Variants in RGS6 observed in about 807,000 individuals in gnomAD.
The protein encoded by RGS6 is regulator of G protein signaling 6.
A neutral mutation model predicts 78.5 loss-of-function variants in RGS6; 30 were observed. That is an observed-to-expected ratio of 0.38 (90% CI 0.29 to 0.52). The LOEUF (loss-of-function observed/expected upper bound fraction) is 0.52. Ranked by LOEUF, RGS6 falls within the 20% of genes least tolerant of loss-of-function variation. The pLI, the probability that RGS6 is intolerant of heterozygous loss-of-function variation, is 0.85. For missense variants in RGS6, 495 were observed against 609.7 expected (o/e 0.81, Z 1.98); for synonymous variants, 206 against 206.0 (o/e 1.00, Z 0.00).
At chr14:72,514,529 C>T (rs1161951145) in intron 14 of RGS6, among the ~76,000 whole-genome samples, 2 of 152,238 alleles carry the variant, frequency 1.3e-5, no homozygotes, top group African/African-American at 2.4e-5. Context: ...TCCACTGCTT[C>T]GCCCCAGTGG....
chr14:71,894,914 G>A, the RGS6 span, among the ~76,000 whole-genome samples: 1 of 151,810 alleles, frequency 6.6e-6, no homozygotes, highest in Non-Finnish European at 1.5e-5. Context: ...ACAGGCACGA[G>A]CCACCACGCC....
At position 72,284,496 on chromosome 14, in the gene RGS6, C is replaced by T. The variant is rs900027534; in HGVS notation, c.85-67599C>T. On this transcript the variant is annotated intron_variant, in intron 2 of 17. Transcript: ENST00000553525. Reference sequence around the variant, plus strand: ...AAGCCCCAAGACTTGGCAGCTTCCACGTGGGCACACAGAAGTTAAGAATTG... The same window carrying T: ...AAGCCCCAAGACTTGGCAGCTTCCATGTGGGCACACAGAAGTTAAGAATTG... Among the ~76,000 whole-genome samples the T allele has an allele frequency of 2.6e-5, 4 of 152,146 alleles. No homozygotes were observed. In the East Asian group the frequency reaches 5.8e-4, roughly 22 times the overall value.
At chr14:72,345,766 T>A (rs1383422979) in intron 2 of RGS6, among the ~76,000 whole-genome samples, 1 of 152,240 alleles carries the variant, frequency 6.6e-6, no homozygotes, top group Admixed American at 6.5e-5. Context: ...TGGCACTTGG[T>A]AGGTGCTCAG....
chr14:72,304,866 G>A (rs1344307461), intron 2 of RGS6, among the ~76,000 whole-genome samples: 3 of 146,500 alleles, frequency 2.0e-5, no homozygotes, highest in African/African-American at 5.2e-5. Flanking sequence ...GGCACAGAGC[G>A]AGATTCTGTC....
At chr14:72,082,390 A>G (rs2094861450) in intron 2 of RGS6, among the ~76,000 whole-genome samples, 1 of 151,738 alleles carries the variant, frequency 6.6e-6, no homozygotes, top group Non-Finnish European at 1.5e-5. Flanking sequence ...GGTATTTTTT[A>G]TTTGTAGCTA....
intron 2 of RGS6, among the ~76,000 whole-genome samples, chr14:72,100,653 C>T (rs939732805): frequency 2.0e-5 from 3 of 152,170 alleles, no homozygotes; most frequent in African/African-American, 4.8e-5. Context: ...AGTGTCTTCA[C>T]GTAGTTTTCC....
At chr14:72,172,024 T>A (rs1002888036) in intron 2 of RGS6, among the ~76,000 whole-genome samples, 22 of 152,220 alleles carry the variant, frequency 1.4e-4, no homozygotes, top group Admixed American at 4.6e-4. Flanking sequence ...TTCCCTAAGG[T>A]GTGGCATTTT....
chr14:72,363,999 TAAA>T (rs55943058), intron 3 of RGS6, among the ~76,000 whole-genome samples: 5 of 46,758 alleles, frequency 1.1e-4, no homozygotes, highest in African/African-American at 2.6e-4. Context: ...TGGACAAGGC[TAAA>T]AAAAAAAAAA....
intron 2 of RGS6, among the ~76,000 whole-genome samples, chr14:72,113,510 G>T (rs1474209613): frequency 1.3e-5 from 2 of 152,182 alleles, no homozygotes; most frequent in African/African-American, 4.8e-5. Flanking sequence ...TTTATTTGAC[G>T]GGTATAGAGG....
At position 72,379,583 on chromosome 14, in the gene RGS6, T is replaced by A. The variant is rs149328037; in HGVS notation, c.184+27389T>A. Among the ~76,000 whole-genome samples, 43 of 151,912 alleles carry A rather than the reference T, an allele frequency of 2.8e-4. 1 individual carries two copies. The East Asian group carries it at 6.2e-3, about 22-fold the overall frequency. On this transcript the variant is annotated intron_variant, in intron 3 of 17. Transcript: ENST00000553525. ...AAAAAGGCAATCCTACTTACAATAG[T>A]TACATTTAAAAAAAACCTAGGAATA...
chr14:72,191,205 C>CA (rs2097320160), intron 2 of RGS6, among the ~76,000 whole-genome samples: 1 of 152,108 alleles, frequency 6.6e-6, no homozygotes, highest in Non-Finnish European at 1.5e-5. Flanking sequence ...AAGGGAATGT[C>CA]AAAAAAGTCA....
intron 2 of RGS6, among the ~76,000 whole-genome samples, chr14:72,183,324 T>G (rs1008198621): frequency 6.6e-6 from 1 of 152,236 alleles, no homozygotes; most frequent in Non-Finnish European, 1.5e-5. Context: ...TTCTGTCTTT[T>G]ACATTCACAG....
At chr14:71,880,330 T>G in the RGS6 span, among the ~76,000 whole-genome samples, 3 of 152,358 alleles carry the variant, frequency 2.0e-5, no homozygotes, top group South Asian at 6.2e-4. Flanking sequence ...TCAAGCCAGC[T>G]GCAGAAATTC....
chr14:72,022,114 T>G (rs1407049182), intron 2 of RGS6, among the ~76,000 whole-genome samples: 1 of 152,202 alleles, frequency 6.6e-6, no homozygotes, highest in Non-Finnish European at 1.5e-5. Flanking sequence ...CTTGTTATTT[T>G]TTATGGCTGC....
At chr14:72,326,646 G>T (rs910509703) in intron 2 of RGS6, among the ~76,000 whole-genome samples, 1 of 152,136 alleles carries the variant, frequency 6.6e-6, no homozygotes, top group African/African-American at 2.4e-5. Context: ...TTCCTGTACA[G>T]CCTGAAGAAC....
chr14:72,402,794 T>TG (rs1566746797), intron 3 of RGS6, among the ~76,000 whole-genome samples: 1 of 136,760 alleles, frequency 7.3e-6, no homozygotes, highest in African/African-American at 2.8e-5. Context: ...TTTTTGGTTT[T>TG]TTTTTTTTTT....
In RGS6 at chr14:72,418,171, CT is replaced by C. The variant is rs759624780; in HGVS notation, c.185-36344del. 4.2e-3 allele frequency among the ~76,000 whole-genome samples: 621 copies of C among 146,286 alleles called. 3 individuals carry two copies. The highest frequency in any genetic ancestry group is 0.01 in the Middle Eastern group (3 of 290). Reference sequence around the variant, plus strand: ...TGCCAGTGTCTCTCTTCAAAATAAACTTTTTTTTTTTTTGAGCCTGAATCTC... The same window carrying C: ...TGCCAGTGTCTCTCTTCAAAATAAACTTTTTTTTTTTTGAGCCTGAATCTC... On this transcript the variant is annotated intron_variant, in intron 3 of 17. Coordinates refer to ENST00000553525, the MANE Select transcript of RGS6 (RefSeq NM_001204424.2).
intron 2 of RGS6, among the ~76,000 whole-genome samples, chr14:72,274,479 C>T (rs1055859474): frequency 6.6e-6 from 1 of 152,242 alleles, no homozygotes; most frequent in Admixed American, 6.5e-5. Flanking sequence ...ACCACAGGGC[C>T]GGTTCCCTCC....
chr14:72,535,837 C>T (rs1249075061), intron 15 of RGS6, among the ~76,000 whole-genome samples: 1 of 152,108 alleles, frequency 6.6e-6, no homozygotes, highest in Admixed American at 6.5e-5. Context: ...TCCTAATTCC[C>T]TTGAGATTCA....
Sources: allele counts gnomAD v4.1 joint callset (sites outside exome capture counted in the v4.1 genomes callset), GRCh38; gene constraint gnomAD v4.1.1; transcripts MANE v1.5; gene names NCBI Gene and HGNC (gene_info 2026-07-23, HGNC 2026-07-21).